ADGRL3: variants seen among roughly 807,000 people sequenced by gnomAD.
The protein encoded by ADGRL3 is calcium-independent alpha-latrotoxin receptor 3.
A neutral mutation model predicts 153.5 loss-of-function variants in ADGRL3; 62 were observed. The observed-to-expected ratio is 0.40, with a 90% CI of 0.33 to 0.50. ADGRL3 has a LOEUF of 0.50. Ranked by LOEUF, ADGRL3 falls within the 20% of genes least tolerant of loss-of-function variation. The pLI, the probability that ADGRL3 is intolerant of heterozygous loss-of-function variation, is 0.47. For missense variants in ADGRL3, 1,641 were observed against 1,859.4 expected, an observed-to-expected ratio of 0.88 and a Z score of 2.16; for synonymous variants, 710 against 672.5, an observed-to-expected ratio of 1.06 and a Z score of -0.86.
At chr4:61,448,182 A>T (rs1268419037) in intron 2 of ADGRL3, among the ~76,000 whole-genome samples, 1 of 152,134 alleles carries the variant, frequency 6.6e-6, no homozygotes, top group African/African-American at 2.4e-5. Flanking sequence ...ATGCTGATAA[A>T]ATCTTCCCCT....
chr4:61,313,310 G>A (rs904392054), intron 1 of ADGRL3, among the ~76,000 whole-genome samples: 2 of 152,152 alleles, frequency 1.3e-5, no homozygotes, highest in Non-Finnish European at 2.9e-5. Context: ...CACTGCAATG[G>A]CTGATACATG....
chr4:61,227,926 G>A (rs1748705565), intron 1 of ADGRL3, among the ~76,000 whole-genome samples: 1 of 152,084 alleles, frequency 6.6e-6, no homozygotes, highest in South Asian at 2.1e-4. Context: ...ATCAATTGTT[G>A]ACTTAGATAA....
At chr4:61,438,946 A>T (rs1421707004) in intron 2 of ADGRL3, among the ~76,000 whole-genome samples, 1 of 151,834 alleles carries the variant, frequency 6.6e-6, no homozygotes, top group African/African-American at 2.4e-5. Flanking sequence ...TGACCTCATG[A>T]TCCGCCCACC....
intron 5 of ADGRL3, among the ~76,000 whole-genome samples, chr4:61,668,787 G>T (rs1371333454): frequency 6.6e-6 from 1 of 152,190 alleles, no homozygotes; most frequent in East Asian, 1.9e-4. Flanking sequence ...AGAGGCTGAG[G>T]TGGGAGGATT....
At chr4:61,867,515 C>CGCATATATATATATATATAT (rs2098408171) in intron 9 of ADGRL3, among the ~76,000 whole-genome samples, 1 of 81,140 alleles carries the variant, frequency 1.2e-5, no homozygotes, top group Non-Finnish European at 2.7e-5. Context: ...AATATATATG[C>CGCATATATATATATATATAT]ATATATATAT....
intron 6 of ADGRL3, among the ~76,000 whole-genome samples, chr4:61,704,668 A>C (rs1366108838): frequency 6.6e-6 from 1 of 152,226 alleles, no homozygotes; most frequent in Non-Finnish European, 1.5e-5. Context: ...GTATCATGAC[A>C]GGCTTTTTTG....
chr4:61,642,063 T>G (rs920370607), intron 5 of ADGRL3, among the ~76,000 whole-genome samples: 1 of 149,700 alleles, frequency 6.7e-6, no homozygotes, highest in Non-Finnish European at 1.5e-5. Flanking sequence ...TTTCATGTGT[T>G]TTTTGGCTGC....
chr4:61,257,164 T>A (rs755114068), intron 1 of ADGRL3, among the ~76,000 whole-genome samples: 8 of 152,174 alleles, frequency 5.3e-5, no homozygotes, highest in Non-Finnish European at 1.2e-4. Flanking sequence ...TATTTTGAAT[T>A]CTTCAGGATC....
intron 24 of ADGRL3, among the ~76,000 whole-genome samples, chr4:62,042,229 C>T (rs1297194039): frequency 6.6e-6 from 1 of 151,442 alleles, no homozygotes; most frequent in Non-Finnish European, 1.5e-5. Flanking sequence ...AGACATAAGA[C>T]ATTAAATATT....
At chr4:61,721,174 T>G (rs2096237267) in intron 6 of ADGRL3, among the ~76,000 whole-genome samples, 2 of 152,086 alleles carry the variant, frequency 1.3e-5, no homozygotes, top group South Asian at 4.1e-4. Flanking sequence ...AGGATAGATG[T>G]ATATGTGAAG....
intron 4 of ADGRL3, among the ~76,000 whole-genome samples, chr4:61,572,948 C>G (rs1299360499): frequency 6.6e-6 from 1 of 151,950 alleles, no homozygotes; most frequent in Non-Finnish European, 1.5e-5. Flanking sequence ...AAATGATCAT[C>G]TTTTGCCAAA....
At chr4:62,035,177 TAATGATTCAGTAA>T (rs1245348527) in intron 23 of ADGRL3, among the ~76,000 whole-genome samples, 1 of 151,998 alleles carries the variant, frequency 6.6e-6, no homozygotes, top group African/African-American at 2.4e-5. Context: ...AAAGTCAGTA[TAATGATTCAGTAA>T]GTAATGTAGC....
At chr4:61,426,446 TG>T (rs34515984) in intron 2 of ADGRL3, among the ~76,000 whole-genome samples, 13 of 152,022 alleles carry the variant, frequency 8.6e-5, no homozygotes, top group Admixed American at 8.5e-4. Context: ...CCATCGGGAA[TG>T]GGGGGGTGCC....
intron 8 of ADGRL3, among the ~76,000 whole-genome samples, chr4:61,789,602 CCTTT>C (rs1178483673): frequency 5.9e-5 from 9 of 152,056 alleles, no homozygotes; most frequent in South Asian, 2.1e-4. Context: ...AGGAAACTAA[CCTTT>C]CTTTTAATTG....
At chr4:61,696,020 C>T (rs2095636543) in intron 6 of ADGRL3, among the ~76,000 whole-genome samples, 1 of 152,172 alleles carries the variant, frequency 6.6e-6, no homozygotes, top group Non-Finnish European at 1.5e-5. Flanking sequence ...TAGGCTTTGG[C>T]TTAAGGTAAT....
chr4:61,570,442 C>CA (rs2098833902), intron 4 of ADGRL3, among the ~76,000 whole-genome samples: 1 of 152,088 alleles, frequency 6.6e-6, no homozygotes, highest in Non-Finnish European at 1.5e-5. Context: ...ATTCCTTCTA[C>CA]CATTGCCTCT....
intron 9 of ADGRL3, among the ~76,000 whole-genome samples, chr4:61,882,759 T>C (rs1470870582): frequency 2.0e-5 from 3 of 152,184 alleles, no homozygotes; most frequent in Non-Finnish European, 4.4e-5. Flanking sequence ...ACTTTGCCTC[T>C]TTTATCAAAA....
At chr4:61,216,597 T>G (rs1361826177) in intron 1 of ADGRL3, among the ~76,000 whole-genome samples, 1 of 152,156 alleles carries the variant, frequency 6.6e-6, no homozygotes, top group Non-Finnish European at 1.5e-5. Context: ...TAAATTGTAT[T>G]TAGTTCTACA....
intron 5 of ADGRL3, among the ~76,000 whole-genome samples, chr4:61,601,630 C>T (rs937195105): frequency 2.6e-5 from 4 of 152,118 alleles, no homozygotes; most frequent in African/African-American, 9.7e-5. Context: ...ATTACAAAAG[C>T]ATCTGTTTAC....
Sources: allele counts gnomAD v4.1 joint callset (sites outside exome capture counted in the v4.1 genomes callset), GRCh38; gene constraint gnomAD v4.1.1; transcripts MANE v1.5; gene names NCBI Gene and HGNC (gene_info 2026-07-23, HGNC 2026-07-21).